Variants in ZNF276 observed in about 807,000 individuals in gnomAD.
The protein encoded by ZNF276 is centromere protein Z.
ZNF276 carries 59 observed loss-of-function variants against 63.9 expected under a neutral mutation model. The ratio of observed to expected loss-of-function variants is 0.92; its 90% CI spans 0.75 to 1.15. The LOEUF is 1.15. Among genes scored for constraint, ZNF276 ranks in the 50% most tolerant of loss-of-function variants. ZNF276 has a pLI of 0.00. For synonymous variants in ZNF276, 496 were observed against 348.4 expected (o/e 1.42, Z -4.72); for missense variants, 1,084 against 843.8 (o/e 1.28, Z -3.53).
Position 89,739,676 on chromosome 16 carries a change from G to T in ZNF276, c.*1430G>T, listed in dbSNP as rs1028388366. 5 of 1,512,216 alleles carry T rather than the reference G, an allele frequency of 3.3e-6. No homozygotes were observed. Among genetic ancestry groups the T allele is most frequent in the Non-Finnish European group, 4.5e-6 (5 of 1,119,124 alleles). 93.7% of individuals were successfully genotyped at this position (1,512,216 alleles called of 1,614,324 possible). Reference sequence around the variant, plus strand: ...CCTGGCTGTGGGGATAGTGTGGGGCGAACAGCCTGAGCTGAGGATACCCAG... The same window carrying T: ...CCTGGCTGTGGGGATAGTGTGGGGCTAACAGCCTGAGCTGAGGATACCCAG... On this transcript the variant is annotated 3_prime_UTR_variant, in exon 11 of 11. Transcript: ENST00000443381.
intron 5 of ZNF276, 40 bp from the exon 6 acceptor site, chr16:89,729,195 A>AG (rs2061566600): frequency 6.3e-7 from 1 of 1,585,554 alleles, no homozygotes; most frequent in South Asian, 1.1e-5. Flanking sequence ...GTCACTGCCC[A>AG]GGCCCAGGGC....
At chr16:89,722,437 G>A (rs1450549503) in intron 1 of ZNF276, 94 bp from the exon 2 acceptor site, 2 of 1,406,216 alleles carry the variant, frequency 1.4e-6, no homozygotes, top group Admixed American at 2.3e-5. Context: ...CGCGAAGGGC[G>A]CTGCAGGCGC....
chr16:89,725,608 G>A (rs1464426931), intron 4 of ZNF276, among the ~76,000 whole-genome samples: 3 of 151,890 alleles, frequency 2.0e-5, no homozygotes, highest in Non-Finnish European at 2.9e-5. Context: ...TGACTAACAC[G>A]GTGAAACCCC....
At chr16:89,729,210 C>T (rs1299643436) in intron 5 of ZNF276, 25 bp from the exon 6 acceptor site, 1 of 1,609,738 alleles carries the variant, frequency 6.2e-7, no homozygotes, top group South Asian at 1.1e-5. Context: ...CAGGGCTTTG[C>T]TGAAGATTCT....
In ZNF276 at chr16:89,723,642, C is replaced by T. The variant is rs2061376430; in HGVS notation, c.939C>T (p.Asp313=). Residue 313 remains aspartate (D), a synonymous_variant, in exon 4 of 11, where the codon GAC becomes GAT. Coordinates refer to ENST00000443381, the MANE Select transcript of ZNF276 (RefSeq NM_001113525.2). ...PSTDVAQPPS[D]SDAVGPRSGF... is the part of the protein sequence containing the mutation. ...CGGATGTGGCCCAGCCTCCTTCGGA[C>T]AGCGACGCGGTGGGGCCCAGGTCGG... The T allele has an allele frequency of 1.2e-6, 2 of 1,612,548 alleles. No individual in the cohort carries two copies. Among genetic ancestry groups the T allele is most frequent in the South Asian group, 2.2e-5 (2 of 91,090 alleles).
chr16:89,736,263 G>A lies in ZNF276; in HGVS notation c.1475-1543G>A, dbSNP rs1371240226. 2.0e-5 allele frequency among the ~76,000 whole-genome samples: 3 copies of A among 152,158 alleles called. No individual in the cohort carries two copies. The East Asian group carries it at 5.8e-4, about 30-fold the overall frequency. On this transcript the variant is annotated intron_variant, in intron 9 of 10. Coordinates refer to ENST00000443381, the MANE Select transcript of ZNF276 (RefSeq NM_001113525.2). ...GCTGGTCTCGAGTTCCTGACCTCAG[G>A]TGATTTGCCTGCCTTGGCCTCCCAA...
upstream of ZNF276, chr16:89,721,107 G>A (rs868386088): frequency 5.1e-4 from 165 of 322,354 alleles, no homozygotes; most frequent in South Asian, 1.5e-3. Context: ...CTTGAGACGG[G>A]GCTGGCGAGA....
At position 89,739,331 on chromosome 16, in the gene ZNF276, G is replaced by A; in HGVS notation, c.*1085G>A. ...AGTGACAAATGGCTACAGACTGCTG[G>A]AAAGGTAGCAGGTGATGCCAAGGGA... On this transcript the variant is annotated 3_prime_UTR_variant, in exon 11 of 11. Coordinates refer to ENST00000443381, the MANE Select transcript of ZNF276 (RefSeq NM_001113525.2). The A allele has an allele frequency of 6.2e-7, 1 of 1,612,308 alleles. No homozygotes were observed.
At position 89,735,696 on chromosome 16, in the gene ZNF276, C is replaced by T. The variant is rs1467744248; in HGVS notation, c.1474+1658C>T. Among the ~76,000 whole-genome samples, 4 of 152,096 alleles carry T rather than the reference C, an allele frequency of 2.6e-5. No individual in the cohort carries two copies. The East Asian group carries it at 5.8e-4, about 22-fold the overall frequency. On this transcript the variant is annotated intron_variant, in intron 9 of 10. Coordinates refer to ENST00000443381, the MANE Select transcript of ZNF276 (RefSeq NM_001113525.2). ...CACCAGCCTGGGCAACATAGTGAGG[C>T]CGTCTTTACCAAAAACTTTTTTTTT...
In ZNF276 at chr16:89,738,845, T is replaced by A. The variant is rs2062038813; in HGVS notation, c.*599T>A. 6.2e-7 allele frequency: 1 copy of A among 1,614,094 alleles called. No homozygotes were observed. Among genetic ancestry groups the A allele is most frequent in the South Asian group, 1.1e-5 (1 of 91,082 alleles). ...GCCCAGGCAGCTGTCAATTCTCATG[T>A]CCCCCACATGGCCCAAGGTGGGCAT... On this transcript the variant is annotated 3_prime_UTR_variant, in exon 11 of 11. Transcript: ENST00000443381.
In ZNF276 at chr16:89,739,610, C is replaced by T; in HGVS notation, c.*1364C>T. On this transcript the variant is annotated 3_prime_UTR_variant, in exon 11 of 11. Coordinates refer to ENST00000443381, the MANE Select transcript of ZNF276 (RefSeq NM_001113525.2). ...TGGACATCTCTGCCTATTATCAGTG[C>T]TGGGGACACCCCTGGGGGTCGGGAC... 1.3e-6 allele frequency: 2 copies of T among 1,535,824 alleles called. No individual in the cohort carries two copies. Among genetic ancestry groups the T allele is most frequent in the Non-Finnish European group, 1.8e-6 (2 of 1,133,516 alleles).
In ZNF276 at chr16:89,738,682, G is replaced by T; in HGVS notation, c.*436G>T. Reference sequence around the variant, plus strand: ...TCTGGAGGGCGGCGCTCACCTCTGGGTCGCAGTCCCCACGATCAGCCAGCA... The same window carrying T: ...TCTGGAGGGCGGCGCTCACCTCTGGTTCGCAGTCCCCACGATCAGCCAGCA... On this transcript the variant is annotated 3_prime_UTR_variant, in exon 11 of 11. Coordinates refer to ENST00000443381, the MANE Select transcript of ZNF276 (RefSeq NM_001113525.2). 6.2e-7 allele frequency: 1 copy of T among 1,613,976 alleles called. No homozygotes were observed. The highest frequency in any genetic ancestry group is 8.5e-7 in the Non-Finnish European group (1 of 1,180,008).
In ZNF276 at chr16:89,721,611, C is replaced by G; in HGVS notation, c.-30C>G. The G allele has an allele frequency of 6.8e-7, 1 of 1,474,252 alleles. No homozygotes were observed. The highest frequency in any genetic ancestry group is 8.9e-7 in the Non-Finnish European group (1 of 1,118,186). The allele number at this position is 1,474,252 out of a possible 1,614,324, so 91.3% of individuals were successfully genotyped here. A position where few individuals can be genotyped will look rare whatever the true frequency, so the allele number is the denominator to read the frequency against. ...TAGGAACCTCGGGCCGGGCAGCACC[C>G]GCGGGATTCTGCTGGCGTCCTCCGC... On this transcript the variant is annotated 5_prime_UTR_variant, in exon 1 of 11. Transcript: ENST00000443381.
chr16:89,731,240 A>T (rs2061639385), intron 6 of ZNF276, among the ~76,000 whole-genome samples: 1 of 152,222 alleles, frequency 6.6e-6, no homozygotes, highest in African/African-American at 2.4e-5. Flanking sequence ...CGAAGTCAAC[A>T]GTTCTTCTCA....
At position 89,723,791 on chromosome 16, in the gene ZNF276, C is replaced by T. The variant is rs1438552504; in HGVS notation, c.1006+82C>T. The T allele has an allele frequency of 5.0e-6, 7 of 1,386,478 alleles. No homozygotes were observed. In the East Asian group the frequency reaches 7.4e-5, roughly 15 times the overall value. The allele number at this position is 1,386,478 out of a possible 1,614,324, so 85.9% of individuals were successfully genotyped here. On this transcript the variant is annotated intron_variant, in intron 4 of 10. Coordinates refer to ENST00000443381, the MANE Select transcript of ZNF276 (RefSeq NM_001113525.2). Reference sequence around the variant, plus strand: ...GGTTTTCAGCAGAAAGTGAATGTCTCCACTGCTCTAGGTGGTGGCTGGGGT... The same window carrying T: ...GGTTTTCAGCAGAAAGTGAATGTCTTCACTGCTCTAGGTGGTGGCTGGGGT...
At chr16:89,728,666 T>C in intron 5 of ZNF276, among the ~76,000 whole-genome samples, 1 of 152,190 alleles carries the variant, frequency 6.6e-6, no homozygotes, top group Admixed American at 6.5e-5. Flanking sequence ...CCTCCCAAAG[T>C]GCTGGGATTA....
chr16:89,729,139 A>AT, intron 5 of ZNF276, 96 bp from the exon 6 acceptor site: 1 of 958,454 alleles, frequency 1.0e-6, no homozygotes, highest in Non-Finnish European at 1.7e-6. Context: ...AATGTGGGAC[A>AT]TGGGGGTCCA....
At position 89,740,173 on chromosome 16, in the gene ZNF276, G is replaced by C. The variant is rs1276750864; in HGVS notation, c.*1927G>C. 7.9e-6 allele frequency: 9 copies of C among 1,136,178 alleles called. No homozygotes were observed. Among genetic ancestry groups the C allele is most frequent in the African/African-American group, 4.6e-5 (3 of 65,534 alleles). The allele number at this position is 1,136,178 out of a possible 1,614,324, so 70.4% of individuals were successfully genotyped here. On this transcript the variant is annotated 3_prime_UTR_variant, in exon 11 of 11. Coordinates refer to ENST00000443381, the MANE Select transcript of ZNF276 (RefSeq NM_001113525.2). ...CATGGGTAGGAGGGTACAGCCCTCA[G>C]CACAGAAGAGGGCATTTCCTCTTTG...
At position 89,733,520 on chromosome 16, in the gene ZNF276, G is replaced by A. The variant is rs2061744515; in HGVS notation, c.1319G>A (p.Gly440Asp). The change falls in exon 8 of 11, where the codon GGC becomes GAC. Residue 440 changes from glycine (G) to aspartate (D), a missense_variant. Coordinates refer to ENST00000443381, the MANE Select transcript of ZNF276 (RefSeq NM_001113525.2). ...ACCATCTACAAGTGTCCTTACCAGG[G>A]CTGCACGGCCGTGTACCGAGGCGCT... ...LPTIYKCPYQ[G>D]CTAVYRGADG... 1 of 1,614,170 alleles carries A rather than the reference G, an allele frequency of 6.2e-7. No individual in the cohort carries two copies. Among genetic ancestry groups the A allele is most frequent in the Non-Finnish European group, 8.5e-7 (1 of 1,180,040 alleles).
Sources: allele counts gnomAD v4.1 joint callset (sites outside exome capture counted in the v4.1 genomes callset), GRCh38; gene constraint gnomAD v4.1.1; transcripts MANE v1.5; gene names NCBI Gene and HGNC (gene_info 2026-07-23, HGNC 2026-07-21).